Variants in CTNNA3 observed in about 807,000 individuals in gnomAD.
The protein encoded by CTNNA3 is catenin alpha 3.
Under a neutral mutation model 95.7 loss-of-function variants are expected in CTNNA3, and 76 were observed. The observed-to-expected ratio is 0.79, with a 90% CI of 0.66 to 0.96. The LOEUF is 0.96. CTNNA3 is among the 40% of genes least tolerant of loss of function. The pLI is 0.00. For synonymous variants in CTNNA3, 431 were observed against 374.4 expected (o/e 1.15, Z -1.74); for missense variants, 1,191 against 1,089.8 (o/e 1.09, Z -1.31).
intron 17 of CTNNA3, among the ~76,000 whole-genome samples, chr10:65,927,842 T>C (rs1324849787): frequency 1.3e-5 from 2 of 152,176 alleles, no homozygotes; most frequent in African/African-American, 2.4e-5. Flanking sequence ...TGTTGTTAAG[T>C]ATGTTTCTAA....
rs528779770 is a variant in CTNNA3 at position 66,524,093 on chromosome 10, C to A, written c.1375-3320G>T. Among the ~76,000 whole-genome samples, 26 of 152,262 alleles carry A rather than the reference C, an allele frequency of 1.7e-4. 1 individual carries two copies. Among genetic ancestry groups the A allele is most frequent in the Admixed American group, 4.6e-4 (7 of 15,294 alleles). On this transcript the variant is annotated intron_variant, in intron 10 of 17. Transcript: ENST00000433211. Reference sequence around the variant, plus strand: ...TTTAGAGCTGAATCTGCCTTAATGCCCTTGCTCCATCCCTTTTTCTGCTCT... The same window carrying A: ...TTTAGAGCTGAATCTGCCTTAATGCACTTGCTCCATCCCTTTTTCTGCTCT...
At chr10:66,678,409 A>C (rs1290104438) in intron 9 of CTNNA3, among the ~76,000 whole-genome samples, 1 of 152,180 alleles carries the variant, frequency 6.6e-6, no homozygotes, top group Non-Finnish European at 1.5e-5. Context: ...GAAGAGGATA[A>C]AATTATAATT....
intron 5 of CTNNA3, among the ~76,000 whole-genome samples, chr10:67,351,728 T>C (rs527622231): frequency 6.6e-6 from 1 of 152,064 alleles, no homozygotes; most frequent in South Asian, 2.1e-4. Context: ...ATTTGTGACT[T>C]CCTGTTATGT....
intron 14 of CTNNA3, among the ~76,000 whole-genome samples, chr10:66,101,701 C>T (rs2081637975): frequency 6.6e-6 from 1 of 151,942 alleles, no homozygotes; most frequent in African/African-American, 2.4e-5. Context: ...TCACATATGT[C>T]AAAGTAGATA....
intron 9 of CTNNA3, among the ~76,000 whole-genome samples, chr10:66,623,289 G>A (rs1844815422): frequency 6.6e-6 from 1 of 152,098 alleles, no homozygotes; most frequent in East Asian, 1.9e-4. Flanking sequence ...AAAATCATTG[G>A]CTCAATGTGG....
chr10:66,127,152 GTCCCA>G (rs1025257815), intron 13 of CTNNA3, among the ~76,000 whole-genome samples: 3 of 151,516 alleles, frequency 2.0e-5, no homozygotes, highest in Non-Finnish European at 4.4e-5. Flanking sequence ...GGCGCCTGTA[GTCCCA>G]GCTACTTGAG....
chr10:66,774,384 C>T (rs376445431), intron 8 of CTNNA3, among the ~76,000 whole-genome samples: 4 of 152,162 alleles, frequency 2.6e-5, no homozygotes, highest in African/African-American at 9.7e-5. Flanking sequence ...ACCACACTGA[C>T]CTGCTTTCTC....
intron 5 of CTNNA3, among the ~76,000 whole-genome samples, chr10:67,300,040 G>A (rs2132492896): frequency 6.6e-6 from 1 of 152,178 alleles, no homozygotes; most frequent in African/African-American, 2.4e-5. Flanking sequence ...CATTACCTAG[G>A]AATTTGTTAG....
At chr10:66,070,407 T>C (rs1316654603) in intron 14 of CTNNA3, among the ~76,000 whole-genome samples, 1 of 152,144 alleles carries the variant, frequency 6.6e-6, no homozygotes, top group Non-Finnish European at 1.5e-5. Context: ...GTTTTCTCCA[T>C]CTTGACTACC....
chr10:66,588,070 C>T (rs1280300070), intron 10 of CTNNA3, among the ~76,000 whole-genome samples: 1 of 152,150 alleles, frequency 6.6e-6, no homozygotes, highest in Non-Finnish European at 1.5e-5. Flanking sequence ...TCAGGAATGG[C>T]TTCCCTCTGT....
At chr10:66,223,889 T>C (rs533709101) in intron 13 of CTNNA3, among the ~76,000 whole-genome samples, 11 of 152,042 alleles carry the variant, frequency 7.2e-5, no homozygotes, top group Non-Finnish European at 1.5e-4. Context: ...TCTTTAATGG[T>C]CTGAGTTGAA....
intron 11 of CTNNA3, among the ~76,000 whole-genome samples, chr10:66,423,620 A>C (rs2093214963): frequency 6.6e-6 from 1 of 152,126 alleles, no homozygotes; most frequent in Non-Finnish European, 1.5e-5. Flanking sequence ...CTCTGCCCAG[A>C]GAGATGTTTA....
chr10:66,236,799 C>G (rs935675138), intron 13 of CTNNA3, among the ~76,000 whole-genome samples: 19 of 151,710 alleles, frequency 1.3e-4, no homozygotes, highest in Non-Finnish European at 2.8e-4. Flanking sequence ...TTCATACATA[C>G]TAGCTGCATA....
intron 15 of CTNNA3, among the ~76,000 whole-genome samples, chr10:66,058,436 A>G (rs2080127853): frequency 6.6e-6 from 1 of 152,120 alleles, no homozygotes; most frequent in African/African-American, 2.4e-5. Context: ...TTCATCCACC[A>G]TCCCTCTGAA....
rs117556238 is a variant in CTNNA3, at chr10:66,346,476, A to G, written c.1732+32676T>C. On this transcript the variant is annotated intron_variant, in intron 12 of 17. Coordinates refer to ENST00000433211, the MANE Select transcript of CTNNA3 (RefSeq NM_013266.4). The stretch of plus-strand genomic sequence containing the variant: ...GTATTTTTAGTAAAGACGGGGCTTC[A>G]CCATGTTGGCCTGGATGGTCTTGAT... 9.9e-3 allele frequency among the ~76,000 whole-genome samples: 1,504 copies of G among 151,980 alleles called. 179 individuals are homozygous for G. In the East Asian group the frequency reaches 0.24, roughly 24 times the overall value.
chr10:66,350,242 A>C (rs139434737), intron 12 of CTNNA3, among the ~76,000 whole-genome samples: 70 of 152,236 alleles, frequency 4.6e-4, no homozygotes, highest in African/African-American at 1.7e-3. Flanking sequence ...TGAAAGACAC[A>C]TAAGACTATA....
rs554269560 is a variant in CTNNA3 at position 66,928,155 on chromosome 10, G to T, written c.1048-152631C>A. The T allele has an allele frequency of 9.3e-6, 15 of 1,614,040 alleles. No homozygotes were observed. In the South Asian group the frequency reaches 1.3e-4, roughly 14 times the overall value. On this transcript the variant is annotated intron_variant, in intron 7 of 17. Transcript: ENST00000433211. ...GCCCAGAGACCGATGCTGACGCCGA[G>T]CACATCTCTTTCCATAAAATCATCG...
chr10:66,574,686 A>C (rs550663827), intron 10 of CTNNA3, among the ~76,000 whole-genome samples: 17 of 152,262 alleles, frequency 1.1e-4, no homozygotes, highest in Admixed American at 9.8e-4. Context: ...ATTAAAGTAC[A>C]AAACACTTAG....
At chr10:67,419,531 A>C (rs1418708550) in intron 5 of CTNNA3, among the ~76,000 whole-genome samples, 2 of 152,146 alleles carry the variant, frequency 1.3e-5, no homozygotes, top group African/African-American at 4.8e-5. Flanking sequence ...CTAGTAATCT[A>C]TACAGTGTTG....
Sources: gnomAD v4.1 joint callset for allele counts (sites outside exome capture counted in the v4.1 genomes callset) on GRCh38, gnomAD v4.1.1 for gene constraint, MANE v1.5 for transcripts, NCBI Gene and HGNC (gene_info 2026-07-23, HGNC 2026-07-21) for gene names.